GRID2: variants seen among roughly 807,000 people sequenced by gnomAD.
GRID2 encodes the protein glutamate ionotropic receptor delta type subunit 2.
A neutral mutation model predicts 114.8 loss-of-function variants in GRID2; 33 were observed. The observed-to-expected ratio is 0.29, with a 90% CI of 0.22 to 0.38. GRID2 has a LOEUF of 0.38. Among genes scored for constraint, GRID2 ranks in the 10% least tolerant of loss-of-function variants. The pLI is 1.00. For missense variants in GRID2, 1,184 were observed against 1,257.7 expected, an observed-to-expected ratio of 0.94 and a Z score of 0.89; for synonymous variants, 505 against 449.9, an observed-to-expected ratio of 1.12 and a Z score of -1.55.
intron 13 of GRID2, among the ~76,000 whole-genome samples, chr4:93,574,699 G>T (rs1560768949): frequency 6.6e-6 from 1 of 152,124 alleles, no homozygotes; most frequent in Non-Finnish European, 1.5e-5. Flanking sequence ...CACAACATGT[G>T]GGAATTCGAG....
intron 2 of GRID2, among the ~76,000 whole-genome samples, chr4:93,084,147 CA>C (rs1359275788): frequency 6.6e-6 from 1 of 152,010 alleles, no homozygotes; most frequent in African/African-American, 2.4e-5. Context: ...TTTTTATCTT[CA>C]AAGTTTGCCA....
intron 4 of GRID2, among the ~76,000 whole-genome samples, chr4:93,154,606 A>G (rs924631603): frequency 6.6e-6 from 1 of 152,048 alleles, no homozygotes; most frequent in Non-Finnish European, 1.5e-5. Flanking sequence ...TTTTTATATA[A>G]TAATTCTTCT....
chr4:92,904,860 C>T (rs1747837559), intron 2 of GRID2, among the ~76,000 whole-genome samples: 1 of 151,792 alleles, frequency 6.6e-6, no homozygotes, highest in South Asian at 2.1e-4. Flanking sequence ...GATGAGTGGT[C>T]CATAAAGCTT....
chr4:92,990,116 A>T (rs1754773804), intron 2 of GRID2, among the ~76,000 whole-genome samples: 1 of 150,908 alleles, frequency 6.6e-6, no homozygotes, highest in Admixed American at 6.6e-5. Flanking sequence ...AAGTTCTTTA[A>T]TTTTTTATGT....
chr4:93,040,995 A>G (rs1725464989), intron 2 of GRID2, among the ~76,000 whole-genome samples: 1 of 152,146 alleles, frequency 6.6e-6, no homozygotes, highest in Non-Finnish European at 1.5e-5. Context: ...AAACTGTAAA[A>G]TAAGGGTAAA....
At chr4:93,166,700 G>A (rs988027292) in intron 4 of GRID2, among the ~76,000 whole-genome samples, 1 of 152,118 alleles carries the variant, frequency 6.6e-6, no homozygotes, top group East Asian at 1.9e-4. Flanking sequence ...TCTGGCCAGA[G>A]CTGCTTGTCA....
intron 12 of GRID2, among the ~76,000 whole-genome samples, chr4:93,506,366 C>T (rs1027339700): frequency 6.6e-6 from 1 of 152,262 alleles, no homozygotes; most frequent in Admixed American, 6.5e-5. Flanking sequence ...CCGTGTTCTG[C>T]CAGGTAGATG....
chr4:92,732,198 A>C (rs1177396961), intron 2 of GRID2, among the ~76,000 whole-genome samples: 1 of 151,896 alleles, frequency 6.6e-6, no homozygotes, highest in East Asian at 1.9e-4. Flanking sequence ...GTGAAAATGG[A>C]CCTAGAGAAT....
At chr4:93,114,572 C>T (rs1346882537) in intron 4 of GRID2, among the ~76,000 whole-genome samples, 1 of 152,228 alleles carries the variant, frequency 6.6e-6, no homozygotes, top group East Asian at 1.9e-4. Flanking sequence ...GAATGGCAGA[C>T]AGAATGTGAA....
chr4:92,986,817 G>C (rs183342084), intron 2 of GRID2, among the ~76,000 whole-genome samples: 1 of 151,958 alleles, frequency 6.6e-6, no homozygotes, highest in Non-Finnish European at 1.5e-5. Flanking sequence ...TGAAGATAAC[G>C]TAAAGATAAA....
chr4:93,096,405 T>C (rs10440372), intron 3 of GRID2, among the ~76,000 whole-genome samples: 80,542 of 151,780 alleles, frequency 0.53, 22,847 homozygotes, highest in African/African-American at 0.71. Context: ...AGACAAACTA[T>C]GAACTGTGCA....
exon 2 of GRID2, chr4:93,807,565 C>T (rs530116959): frequency 3.3e-5 from 5 of 152,272 alleles, no homozygotes; most frequent in African/African-American, 1.2e-4. Flanking sequence ...TTTGAATCCA[C>T]ACTTAGTACA....
At chr4:93,739,497 G>T (rs1327603006) in intron 14 of GRID2, among the ~76,000 whole-genome samples, 1 of 151,980 alleles carries the variant, frequency 6.6e-6, no homozygotes, top group South Asian at 2.1e-4. Context: ...AATTCCTAAA[G>T]GGGAGAAAAA....
chr4:93,213,941 G>T (rs1416425411), intron 5 of GRID2, among the ~76,000 whole-genome samples: 1 of 151,666 alleles, frequency 6.6e-6, no homozygotes, highest in Non-Finnish European at 1.5e-5. Flanking sequence ...ATTATTTTTG[G>T]GAAAAAAGGC....
At chr4:93,491,083 A>G (rs1450816872) in intron 12 of GRID2, among the ~76,000 whole-genome samples, 1 of 151,878 alleles carries the variant, frequency 6.6e-6, no homozygotes, top group Non-Finnish European at 1.5e-5. Context: ...TCTGACTAAC[A>G]CTGTGAAAAG....
intron 1 of GRID2, among the ~76,000 whole-genome samples, chr4:92,322,080 A>G (rs1239088307): frequency 6.6e-6 from 1 of 152,182 alleles, no homozygotes; most frequent in African/African-American, 2.4e-5. Context: ...AGAAAGTGAC[A>G]TGAGAAACAT....
intron 1 of GRID2, among the ~76,000 whole-genome samples, chr4:92,443,013 GCAGCCTGGGGAGGAA>G (rs763417906): frequency 1.3e-3 from 193 of 152,170 alleles, no homozygotes; most frequent in Admixed American, 3.9e-3. Context: ...CTGGCGAGGA[GCAGCCTGGGGAGGAA>G]GGGAGAGGTC....
chr4:93,079,922 A>C (rs959090769), intron 2 of GRID2, among the ~76,000 whole-genome samples: 1 of 152,156 alleles, frequency 6.6e-6, no homozygotes, highest in African/African-American at 2.4e-5. Context: ...TTTTTAATTA[A>C]AATATTTTTT....
intron 2 of GRID2, among the ~76,000 whole-genome samples, chr4:92,910,051 G>C (rs1424648324): frequency 2.6e-5 from 4 of 151,970 alleles, no homozygotes; most frequent in Non-Finnish European, 4.4e-5. Flanking sequence ...GGATTTCCAG[G>C]CTTGGTGGTA....
Sources: gnomAD v4.1 joint callset for allele counts (sites outside exome capture counted in the v4.1 genomes callset) on GRCh38, gnomAD v4.1.1 for gene constraint, MANE v1.5 for transcripts, NCBI Gene and HGNC (gene_info 2026-07-23, HGNC 2026-07-21) for gene names.